CECR2: variants seen among roughly 807,000 people sequenced by gnomAD.
CECR2 encodes CECR2 histone acetyl-lysine reader.
In CECR2, 30 loss-of-function variants were observed where a neutral mutation model predicts 154.5. The observed-to-expected ratio is 0.19, with a 90% CI of 0.15 to 0.26. The LOEUF is 0.26. Ranked by LOEUF, CECR2 falls within the 10% of genes least tolerant of loss-of-function variation. The pLI is 1.00. For synonymous variants in CECR2, 725 were observed against 683.7 expected, an observed-to-expected ratio of 1.06 and a Z score of -0.94; for missense variants, 1,743 against 1,829.3, an observed-to-expected ratio of 0.95 and a Z score of 0.86.
chr22:17,422,212 TTTTGAGAC>T (rs2054266099), intron 1 of CECR2, among the ~76,000 whole-genome samples: 1 of 152,208 alleles, frequency 6.6e-6, no homozygotes, highest in Admixed American at 6.5e-5. Flanking sequence ...TTTGTTTTTG[TTTTGAGAC>T]GGAGTCTCAC....
chr22:17,407,749 G>C (rs1157500975), intron 1 of CECR2, among the ~76,000 whole-genome samples: 4 of 152,190 alleles, frequency 2.6e-5, no homozygotes, highest in Non-Finnish European at 5.9e-5. Flanking sequence ...GCGGTGTCTG[G>C]AGACAGTTTT....
At chr22:17,469,566 A>G (rs2055088140) in intron 1 of CECR2, among the ~76,000 whole-genome samples, 1 of 149,926 alleles carries the variant, frequency 6.7e-6, no homozygotes, top group Non-Finnish European at 1.5e-5. Context: ...GACAGCATAC[A>G]GCGCATCCTC....
chr22:17,452,106 T>C (rs1315415564), intron 1 of CECR2, among the ~76,000 whole-genome samples: 1 of 152,216 alleles, frequency 6.6e-6, no homozygotes, highest in Non-Finnish European at 1.5e-5. Context: ...AGGGTCTGGC[T>C]CTTTCGCCCA....
chr22:17,530,436 G>A (rs1367630844), intron 9 of CECR2, among the ~76,000 whole-genome samples: 3 of 152,046 alleles, frequency 2.0e-5, no homozygotes, highest in African/African-American at 7.2e-5. Flanking sequence ...CACTTTGGGA[G>A]GCTGAGGCAG....
chr22:17,532,370 C>CA (rs1398219447), intron 9 of CECR2, among the ~76,000 whole-genome samples: 5 of 152,138 alleles, frequency 3.3e-5, no homozygotes, highest in Non-Finnish European at 7.3e-5. Flanking sequence ...GTGGCCTTTC[C>CA]AGCTTCTAGT....
chr22:17,418,182 C>A (rs186775028), intron 1 of CECR2, among the ~76,000 whole-genome samples: 9 of 152,314 alleles, frequency 5.9e-5, no homozygotes, highest in African/African-American at 1.7e-4. Flanking sequence ...ACCACACATA[C>A]CCTGCCCCAG....
At position 17,499,459 on chromosome 22, in the gene CECR2, C is replaced by T; in HGVS notation, c.455C>T (p.Ser152Phe). The T allele has an allele frequency of 6.2e-7, 1 of 1,613,796 alleles. No individual in the cohort carries two copies. The highest frequency in any genetic ancestry group is 8.5e-7 in the Non-Finnish European group (1 of 1,179,808). ...GTGGAGCCATTGGGTGAAGACAATT[C>T]TGGGGCACTATATTGGTATTTCTAT... is the stretch of plus-strand genomic sequence containing the variant. ...LRVEPLGEDNSGALYWYFYGT... is the reference protein window; with the variant it reads ...LRVEPLGEDNFGALYWYFYGT... Residue 152 changes from serine to phenylalanine, a missense_variant, in exon 4 of 19, where the codon TCT (serine) becomes TTT (phenylalanine). Coordinates refer to ENST00000262608, the MANE Select transcript of CECR2 (RefSeq NM_001290047.2).
intron 13 of CECR2, 29 bp downstream of exon 13, chr22:17,539,148 A>G: frequency 6.2e-7 from 1 of 1,607,876 alleles, no homozygotes; most frequent in Non-Finnish European, 8.5e-7. Context: ...TGTGCTAGAT[A>G]CATATCTGTA....
Position 17,548,505 on chromosome 22 carries a change from G to T in CECR2, c.3218G>T (p.Ser1073Ile), listed in dbSNP as rs369500490. 154 of 1,613,694 alleles carry T rather than the reference G, an allele frequency of 9.5e-5. No homozygotes were observed. Among genetic ancestry groups the T allele is most frequent in the Non-Finnish European group, 1.3e-4 (150 of 1,179,858 alleles). ...GGATCGGAGGGGAAGGGCCTTGGTA[G>T]CAGTGGTTCCGAAAAGCTGCTCTGC... ...PCGSEGKGLG[S>I]SGSEKLLCPR... Residue 1073 changes from serine (S) to isoleucine (I), a missense_variant, in exon 17 of 19, where the codon AGC (serine) becomes ATC (isoleucine). By Grantham distance (142) the Ser-to-Ile change is moderately radical. Transcript: ENST00000262608.
chr22:17,419,888 G>A (rs1013531739), intron 1 of CECR2: 3 of 257,732 alleles, frequency 1.2e-5, no homozygotes, highest in African/African-American at 6.9e-5. Flanking sequence ...AAAAGTCATG[G>A]CAGATGAGGT....
intron 9 of CECR2, among the ~76,000 whole-genome samples, chr22:17,526,661 T>C (rs1298138913): frequency 6.6e-6 from 1 of 151,744 alleles, no homozygotes; most frequent in African/African-American, 2.4e-5. Flanking sequence ...ATACAAAAAT[T>C]AGCCGGGCAC....
At chr22:17,531,911 G>A (rs1353118485) in intron 9 of CECR2, among the ~76,000 whole-genome samples, 1 of 152,190 alleles carries the variant, frequency 6.6e-6, no homozygotes, top group South Asian at 2.1e-4. Flanking sequence ...GCTCATGCCT[G>A]TAATCCCAGC....
chr22:17,510,962 C>T (rs1221040551), intron 7 of CECR2, among the ~76,000 whole-genome samples: 2 of 152,126 alleles, frequency 1.3e-5, no homozygotes, highest in Non-Finnish European at 2.9e-5. Context: ...CGTGGCTTTG[C>T]GGTATGTTTA....
At chr22:17,460,461 C>T (rs766427735) in intron 1 of CECR2, among the ~76,000 whole-genome samples, 4 of 152,230 alleles carry the variant, frequency 2.6e-5, no homozygotes, top group African/African-American at 7.2e-5. Flanking sequence ...CCGCCCGTCT[C>T]GGCCTCCCAA....
intron 1 of CECR2, among the ~76,000 whole-genome samples, chr22:17,379,506 G>C (rs1382645353): frequency 6.6e-6 from 1 of 151,916 alleles, no homozygotes; most frequent in Non-Finnish European, 1.5e-5. Context: ...CAGATCTCTT[G>C]AGCATTGAGC....
intron 1 of CECR2, among the ~76,000 whole-genome samples, chr22:17,459,157 C>T (rs79777541): frequency 0.011 from 1,722 of 152,248 alleles, 29 homozygotes; most frequent in African/African-American, 0.039. Flanking sequence ...TTTAGTTGTC[C>T]GTTGCATATT....
chr22:17,488,131 C>T lies in CECR2; in HGVS notation c.222-9272C>T, dbSNP rs189758585. Among the ~76,000 whole-genome samples, 16 of 152,318 alleles carry T rather than the reference C, an allele frequency of 1.1e-4. No homozygotes were observed. The East Asian group carries it at 2.7e-3, about 26-fold the overall frequency. ...TCCTGACCTCAGGTGATCTGCCCCC[C>T]CTTGGCCTCCCAAAGTGCTGGGATT... On this transcript the variant is annotated intron_variant, in intron 2 of 18. Coordinates refer to ENST00000262608, the MANE Select transcript of CECR2 (RefSeq NM_001290047.2).
chr22:17,459,186 TG>T (rs1480710525), intron 1 of CECR2, among the ~76,000 whole-genome samples: 1 of 152,232 alleles, frequency 6.6e-6, no homozygotes, highest in African/African-American at 2.4e-5. Context: ...AGTAAGAACC[TG>T]CAGGGTGATA....
chr22:17,466,775 A>G (rs112124567), intron 1 of CECR2, among the ~76,000 whole-genome samples: 11,046 of 152,100 alleles, frequency 0.073, 439 homozygotes, highest in Middle Eastern at 0.15. Flanking sequence ...TTGTATTTTT[A>G]GTAGAGACAG....
Sources: allele counts gnomAD v4.1 joint callset (sites outside exome capture counted in the v4.1 genomes callset), GRCh38; gene constraint gnomAD v4.1.1; transcripts MANE v1.5; gene names NCBI Gene and HGNC (gene_info 2026-07-23, HGNC 2026-07-21).